The following RALYL variants were observed in gnomAD, a reference collection of about 807,000 sequenced individuals.
The protein encoded by RALYL is RNA-binding Raly-like protein.
A neutral mutation model predicts 35.1 loss-of-function variants in RALYL; 29 were observed. The observed-to-expected ratio is 0.83, with a 90% CI of 0.61 to 1.13. The LOEUF is 1.13. RALYL is among the 50% of genes most tolerant of loss of function. The pLI, the probability that RALYL is intolerant of heterozygous loss-of-function variation, is 0.00. For missense variants in RALYL, 359 were observed against 360.4 expected, an observed-to-expected ratio of 1.00 and a Z score of 0.03; for synonymous variants, 120 against 127.6, an observed-to-expected ratio of 0.94 and a Z score of 0.40.
intron 4 of RALYL, among the ~76,000 whole-genome samples, chr8:84,842,358 G>A (rs892279647): frequency 2.0e-5 from 3 of 152,270 alleles, no homozygotes; most frequent in African/African-American, 7.2e-5. Context: ...AAATAAACTA[G>A]AAAATCTAGA....
intron 2 of RALYL, among the ~76,000 whole-genome samples, chr8:84,726,862 C>T (rs185793393): frequency 3.2e-4 from 48 of 152,092 alleles, no homozygotes; most frequent in South Asian, 4.2e-4. Context: ...TAAATAAGGG[C>T]GATCCCCATC....
chr8:84,870,261 ATT>A (rs200284241), intron 6 of RALYL, among the ~76,000 whole-genome samples: 23 of 142,396 alleles, frequency 1.6e-4, no homozygotes, highest in Admixed American at 3.5e-4. Flanking sequence ...TTTGTGTATA[ATT>A]TTTTTTTTTT....
At chr8:84,914,660 C>A (rs888246655) in intron 8 of RALYL, among the ~76,000 whole-genome samples, 2 of 151,526 alleles carry the variant, frequency 1.3e-5, no homozygotes, top group Admixed American at 1.3e-4. Flanking sequence ...TTCTTTTTAC[C>A]TAATCAAAGT....
intron 1 of RALYL, among the ~76,000 whole-genome samples, chr8:84,244,738 A>G (rs1032771602): frequency 6.6e-6 from 1 of 152,202 alleles, no homozygotes; most frequent in Non-Finnish European, 1.5e-5. Flanking sequence ...GACACATCAC[A>G]GTTTCTGTGG....
At chr8:84,682,691 C>T (rs1835830064) in intron 2 of RALYL, among the ~76,000 whole-genome samples, 1 of 152,082 alleles carries the variant, frequency 6.6e-6, no homozygotes. Flanking sequence ...GTGATATCCC[C>T]TTTATCAGTT....
intron 2 of RALYL, among the ~76,000 whole-genome samples, chr8:84,733,874 T>C (rs1441190040): frequency 6.6e-6 from 1 of 152,188 alleles, no homozygotes; most frequent in Non-Finnish European, 1.5e-5. Context: ...CTGATTTGCA[T>C]GTGCAGAAAA....
chr8:84,657,056 C>G (rs1489906920), intron 2 of RALYL, among the ~76,000 whole-genome samples: 1 of 152,090 alleles, frequency 6.6e-6, no homozygotes, highest in Non-Finnish European at 1.5e-5. Flanking sequence ...GAAATTTCAG[C>G]TGCTGACACT....
At chr8:84,684,413 G>C (rs760821686) in intron 2 of RALYL, among the ~76,000 whole-genome samples, 1 of 152,138 alleles carries the variant, frequency 6.6e-6, no homozygotes, top group Non-Finnish European at 1.5e-5. Flanking sequence ...GCAATGATAA[G>C]GAGACTCAGT....
chr8:84,855,784 T>A (rs1836841787), intron 5 of RALYL, among the ~76,000 whole-genome samples: 1 of 152,198 alleles, frequency 6.6e-6, no homozygotes, highest in Non-Finnish European at 1.5e-5. Context: ...AAAGCACTGA[T>A]CAGTTTATAA....
intron 3 of RALYL, among the ~76,000 whole-genome samples, chr8:84,796,390 A>G (rs550675193): frequency 6.6e-6 from 1 of 152,350 alleles, no homozygotes; most frequent in South Asian, 2.1e-4. Context: ...TCTTTGGTAG[A>G]TCTCAGAATT....
chr8:84,652,120 A>G (rs1035473634), intron 2 of RALYL, among the ~76,000 whole-genome samples: 6 of 152,086 alleles, frequency 3.9e-5, no homozygotes, highest in African/African-American at 1.4e-4. Flanking sequence ...TTGCTGTCAA[A>G]TGTGTTTCTA....
At chr8:84,676,635 A>G (rs143130013) in intron 2 of RALYL, among the ~76,000 whole-genome samples, 327 of 152,250 alleles carry the variant, frequency 2.1e-3, no homozygotes, top group African/African-American at 7.4e-3. Flanking sequence ...AGCCTTCTGG[A>G]TTTCAAGAAG....
At chr8:84,211,448 A>G (rs766790068) in intron 1 of RALYL, among the ~76,000 whole-genome samples, 12 of 152,138 alleles carry the variant, frequency 7.9e-5, no homozygotes, top group Non-Finnish European at 1.2e-4. Context: ...CATCTTCTCC[A>G]TCAAGCTACT....
At chr8:84,276,975 C>T (rs1270343144) in intron 1 of RALYL, among the ~76,000 whole-genome samples, 1 of 152,100 alleles carries the variant, frequency 6.6e-6, no homozygotes, top group Non-Finnish European at 1.5e-5. Flanking sequence ...CTAAGAAAAG[C>T]AATGCTGATG....
At chr8:84,887,346 T>C (rs1444312078) in intron 7 of RALYL, among the ~76,000 whole-genome samples, 1 of 152,210 alleles carries the variant, frequency 6.6e-6, no homozygotes, top group Non-Finnish European at 1.5e-5. Context: ...CTTACTAATT[T>C]ATGTACTACT....
At chr8:84,704,405 A>G (rs551188791) in intron 2 of RALYL, among the ~76,000 whole-genome samples, 2 of 151,766 alleles carry the variant, frequency 1.3e-5, no homozygotes, top group South Asian at 4.2e-4. Context: ...AGCCTAGGTA[A>G]CAGAGCGAGA....
chr8:84,232,174 G>A (rs1825530424), intron 1 of RALYL, among the ~76,000 whole-genome samples: 1 of 152,184 alleles, frequency 6.6e-6, no homozygotes, highest in Middle Eastern at 3.4e-3. Context: ...AAATTTGGCT[G>A]ACTTAGAATG....
At chr8:84,734,167 T>G (rs1345755501) in intron 2 of RALYL, among the ~76,000 whole-genome samples, 1 of 152,214 alleles carries the variant, frequency 6.6e-6, no homozygotes, top group Non-Finnish European at 1.5e-5. Context: ...CTCTGTTTAC[T>G]GCTGAATAGC....
intron 1 of RALYL, among the ~76,000 whole-genome samples, chr8:84,305,415 T>TA (rs1841589999): frequency 6.6e-6 from 1 of 152,312 alleles, no homozygotes; most frequent in South Asian, 2.1e-4. Flanking sequence ...TGGAGGATAT[T>TA]AAAAAACAGT....
Sources: gnomAD v4.1 joint callset for allele counts (sites outside exome capture counted in the v4.1 genomes callset) on GRCh38, gnomAD v4.1.1 for gene constraint, MANE v1.5 for transcripts, NCBI Gene and HGNC (gene_info 2026-07-23, HGNC 2026-07-21) for gene names.